ARHGAP42: variants seen among roughly 807,000 people sequenced by gnomAD.
ARHGAP42 encodes rho GTPase-activating protein 42.
ARHGAP42 carries 63 observed loss-of-function variants against 125.0 expected under a neutral mutation model. The observed-to-expected ratio is 0.50, with a 90% CI of 0.41 to 0.62. The LOEUF is 0.62. ARHGAP42 is among the 20% of genes least tolerant of loss of function. The pLI is 0.00. For missense variants in ARHGAP42, 766 were observed against 1,024.2 expected (o/e 0.75, Z 3.44); for synonymous variants, 339 against 351.0 (o/e 0.97, Z 0.38).
chr11:100,729,044 C>T (rs1025503616), intron 1 of ARHGAP42, among the ~76,000 whole-genome samples: 1 of 151,282 alleles, frequency 6.6e-6, no homozygotes, highest in African/African-American at 2.4e-5. Context: ...GCTGTGATTA[C>T]AGGTGTGAGC....
chr11:100,779,060 A>G (rs1012336959), intron 2 of ARHGAP42, among the ~76,000 whole-genome samples: 4 of 152,160 alleles, frequency 2.6e-5, no homozygotes, highest in Non-Finnish European at 5.9e-5. Context: ...TAATATTTGT[A>G]GAGTGAACAA....
chr11:100,870,392 A>G (rs1321519223), intron 4 of ARHGAP42, among the ~76,000 whole-genome samples: 2 of 152,194 alleles, frequency 1.3e-5, no homozygotes, highest in African/African-American at 4.8e-5. Flanking sequence ...TTTTATCTGT[A>G]GATACATTCT....
chr11:100,787,052 TG>T (rs1229077059), intron 2 of ARHGAP42, among the ~76,000 whole-genome samples: 1 of 151,832 alleles, frequency 6.6e-6, no homozygotes, highest in Non-Finnish European at 1.5e-5. Flanking sequence ...CCGAGGCGGG[TG>T]GATCACGAGG....
intron 22 of ARHGAP42, among the ~76,000 whole-genome samples, chr11:100,979,300 A>C (rs780698391): frequency 3.9e-5 from 6 of 152,218 alleles, no homozygotes; most frequent in Non-Finnish European, 5.9e-5. Flanking sequence ...AGAAGATAAA[A>C]ATTGCTATAA....
At chr11:100,804,772 A>G (rs530130146) in intron 3 of ARHGAP42, among the ~76,000 whole-genome samples, 2 of 152,230 alleles carry the variant, frequency 1.3e-5, no homozygotes, top group East Asian at 1.9e-4. Flanking sequence ...TTGGCCTCCA[A>G]AAGTGCTGGG....
intron 1 of ARHGAP42, among the ~76,000 whole-genome samples, chr11:100,748,793 G>A (rs757514179): frequency 4.6e-5 from 7 of 152,258 alleles, no homozygotes; most frequent in Non-Finnish European, 1.0e-4. Context: ...CTTGTTTACA[G>A]TGACAGCAAG....
intron 1 of ARHGAP42, among the ~76,000 whole-genome samples, chr11:100,747,171 TA>T (rs1301457026): frequency 1.3e-5 from 2 of 152,350 alleles, no homozygotes; most frequent in East Asian, 1.9e-4. Context: ...ATATAATTTC[TA>T]AGAAATTGAT....
At chr11:100,726,004 G>A (rs2120288577) in intron 1 of ARHGAP42, among the ~76,000 whole-genome samples, 1 of 150,792 alleles carries the variant, frequency 6.6e-6, no homozygotes, top group South Asian at 2.1e-4. Context: ...AGGCTGAGCT[G>A]GGAGGAGCAC....
intron 3 of ARHGAP42, among the ~76,000 whole-genome samples, chr11:100,818,854 C>T (rs1033199720): frequency 2.6e-5 from 4 of 152,030 alleles, no homozygotes; most frequent in African/African-American, 7.3e-5. Context: ...GGTAAGATTT[C>T]AGCCAGATTA....
chr11:100,898,450 G>A (rs757694774), intron 4 of ARHGAP42, among the ~76,000 whole-genome samples: 4 of 152,186 alleles, frequency 2.6e-5, no homozygotes, highest in East Asian at 1.9e-4. Context: ...GTTAGAATTC[G>A]GCTATGAATC....
chr11:100,906,849 T>C (rs899669795), intron 4 of ARHGAP42, among the ~76,000 whole-genome samples: 1 of 152,226 alleles, frequency 6.6e-6, no homozygotes, highest in African/African-American at 2.4e-5. Context: ...TATTTCTCTC[T>C]AAATTCCGTG....
rs972074955 is a variant in ARHGAP42, at chr11:100,993,484, A to G, written c.*4683A>G. On this transcript the variant is annotated 3_prime_UTR_variant, in exon 24 of 24. Transcript: ENST00000298815. ...TGTCTGCACATGATTGATGCTTAAA[A>G]TCCAATATACCACCACATATCAAAG... The G allele has an allele frequency of 6.0e-6, 1 of 167,064 alleles. No individual in the cohort carries two copies. The highest frequency in any genetic ancestry group is 2.4e-5 in the African/African-American group (1 of 41,448). The allele number at this position is 167,064 out of a possible 1,614,324, so 10.3% of individuals were successfully genotyped here. A position where few individuals can be genotyped will look rare whatever the true frequency, so the allele number is the denominator to read the frequency against.
At chr11:100,689,977 T>A (rs771059411) in intron 1 of ARHGAP42, among the ~76,000 whole-genome samples, 2 of 152,110 alleles carry the variant, frequency 1.3e-5, no homozygotes, top group Admixed American at 1.3e-4. Flanking sequence ...CAGAAAGGAT[T>A]TGAAGCCTGC....
chr11:100,777,620 C>T (rs1863162651), intron 2 of ARHGAP42, among the ~76,000 whole-genome samples: 3 of 152,082 alleles, frequency 2.0e-5, no homozygotes, highest in Non-Finnish European at 4.4e-5. Context: ...GGAAAGGATT[C>T]CTCTATAGTG....
intron 1 of ARHGAP42, among the ~76,000 whole-genome samples, chr11:100,709,318 G>A (rs1565536639): frequency 6.6e-6 from 1 of 152,132 alleles, no homozygotes; most frequent in Non-Finnish European, 1.5e-5. Context: ...TTGTTTGTCT[G>A]TCTGTCTCTC....
chr11:100,772,135 C>T (rs985541407), intron 2 of ARHGAP42, among the ~76,000 whole-genome samples: 1 of 152,098 alleles, frequency 6.6e-6, no homozygotes, highest in Non-Finnish European at 1.5e-5. Context: ...CTTTGACTCC[C>T]TAAGTAGCAA....
intron 1 of ARHGAP42, among the ~76,000 whole-genome samples, chr11:100,733,708 C>G (rs907809133): frequency 6.6e-6 from 1 of 151,034 alleles, no homozygotes; most frequent in African/African-American, 2.4e-5. Flanking sequence ...GCCTGTGATC[C>G]CAGCCTCTTG....
chr11:100,779,551 C>CGTATACATACGTATATATATACGT (rs747888545), intron 2 of ARHGAP42, among the ~76,000 whole-genome samples: 1 of 126,932 alleles, frequency 7.9e-6, no homozygotes, highest in African/African-American at 3.1e-5. Flanking sequence ...TATATATATA[C>CGTATACATACGTATATATATACGT]ATATACATAC....
intron 22 of ARHGAP42, among the ~76,000 whole-genome samples, chr11:100,981,816 T>C (rs17648451): frequency 0.11 from 16,132 of 152,112 alleles, 1,052 homozygotes; most frequent in Non-Finnish European, 0.13. Context: ...TGTTTTGATA[T>C]TGGGAATCAG....
Sources: gnomAD v4.1 joint callset for allele counts (sites outside exome capture counted in the v4.1 genomes callset) on GRCh38, gnomAD v4.1.1 for gene constraint, MANE v1.5 for transcripts, NCBI Gene and HGNC (gene_info 2026-07-23, HGNC 2026-07-21) for gene names.